CDC42BPB: variants seen among roughly 807,000 people sequenced by gnomAD.
CDC42BPB encodes CDC42 binding protein kinase beta.
In CDC42BPB, 37 loss-of-function variants were observed where a neutral mutation model predicts 214.9. The observed-to-expected ratio is 0.17, with a 90% CI of 0.13 to 0.23. CDC42BPB has a LOEUF of 0.23. CDC42BPB is among the 10% of genes least tolerant of loss of function. The pLI, the probability that CDC42BPB is intolerant of heterozygous loss-of-function variation, is 1.00. For missense variants in CDC42BPB, 1,694 were observed against 2,227.0 expected, an observed-to-expected ratio of 0.76 and a Z score of 4.82; for synonymous variants, 931 against 884.0, an observed-to-expected ratio of 1.05 and a Z score of -0.94.
At chr14:103,041,510 A>AG (rs1314986554) in intron 1 of CDC42BPB, 1 of 1,394,064 alleles carries the variant, frequency 7.2e-7, no homozygotes, top group African/African-American at 1.4e-5. Context: ...CACTTCCACA[A>AG]GGACTGGCAG....
chr14:103,044,723 C>T (rs952839663), intron 1 of CDC42BPB, among the ~76,000 whole-genome samples: 2 of 150,734 alleles, frequency 1.3e-5, no homozygotes, highest in African/African-American at 4.9e-5. Flanking sequence ...GTTGCTGAAG[C>T]TGGTCTTGAA....
chr14:103,043,213 C>A (rs1245597436), intron 1 of CDC42BPB, among the ~76,000 whole-genome samples: 1 of 152,146 alleles, frequency 6.6e-6, no homozygotes, highest in African/African-American at 2.4e-5. Context: ...CACTGCACTC[C>A]AGCTTGAGAG....
At chr14:103,052,270 A>T (rs1306561248) in intron 1 of CDC42BPB, among the ~76,000 whole-genome samples, 1 of 152,254 alleles carries the variant, frequency 6.6e-6, no homozygotes, top group Non-Finnish European at 1.5e-5. Context: ...ACTAATTTTT[A>T]TCATGCAATC....
chr14:102,985,270 T>C (rs368964537), intron 6 of CDC42BPB, among the ~76,000 whole-genome samples: 8 of 134,626 alleles, frequency 5.9e-5, no homozygotes, highest in South Asian at 2.6e-4. Context: ...GTAACCCATG[T>C]TCTGGTTATA....
At chr14:102,967,220 A>C (rs1210645390) in intron 16 of CDC42BPB, 50 bp from the exon 17 acceptor site, 3 of 1,580,312 alleles carry the variant, frequency 1.9e-6, no homozygotes, top group Non-Finnish European at 2.6e-6. Context: ...GCATCCTTTA[A>C]GTATGCTGGA....
intron 1 of CDC42BPB, among the ~76,000 whole-genome samples, chr14:103,051,154 C>CGGGGGGGGGGGGG (rs1179516926): frequency 1.2e-3 from 8 of 6,824 alleles, no homozygotes; most frequent in African/African-American, 2.8e-3. Flanking sequence ...GTATTTGGGG[C>CGGGGGGGGGGGGG]GGGGGGGCGG....
In CDC42BPB at chr14:102,972,141, C is replaced by T. The variant is rs762367171; in HGVS notation, c.1662G>A (p.Glu554=). The T allele has an allele frequency of 1.4e-5, 22 of 1,614,066 alleles. No individual in the cohort carries two copies. Among genetic ancestry groups the T allele is most frequent in the Non-Finnish European group, 1.9e-5 (22 of 1,179,992 alleles). ...ELHKQLVEAS[E]RLKSQAKELK... Reference sequence around the variant, plus strand: ...GTTCCTTGGCCTGGGATTTCAACCGCTCTGAGGCTTCAACCAGTTGCTGAA... The same window carrying T: ...GTTCCTTGGCCTGGGATTTCAACCGTTCTGAGGCTTCAACCAGTTGCTGAA... Residue 554 remains glutamate (E), a synonymous_variant, in exon 13 of 37, where the codon GAG becomes GAA. Coordinates refer to ENST00000361246, the MANE Select transcript of CDC42BPB (RefSeq NM_006035.4).
chr14:103,042,828 C>A (rs1888082545), intron 1 of CDC42BPB, among the ~76,000 whole-genome samples: 1 of 152,168 alleles, frequency 6.6e-6, no homozygotes, highest in Admixed American at 6.6e-5. Flanking sequence ...TTGTGGGCTG[C>A]TGGTGGGAAT....
intron 1 of CDC42BPB, among the ~76,000 whole-genome samples, chr14:103,047,576 C>T (rs547820678): frequency 3.3e-5 from 5 of 152,214 alleles, no homozygotes; most frequent in South Asian, 2.1e-4. Context: ...GAATTCTGTA[C>T]GCAGGCAAAG....
chr14:102,951,209 C>A (rs1566851484), intron 24 of CDC42BPB, among the ~76,000 whole-genome samples: 1 of 152,160 alleles, frequency 6.6e-6, no homozygotes, highest in Non-Finnish European at 1.5e-5. Flanking sequence ...CAATTCAGGC[C>A]AGCGGTCATG....
In CDC42BPB at chr14:102,974,147, A is replaced by T; in HGVS notation, c.1510T>A (p.Ser504Thr). 1 of 1,613,168 alleles carries T rather than the reference A, an allele frequency of 6.2e-7. No individual in the cohort carries two copies. The highest frequency in any genetic ancestry group is 8.5e-7 in the Non-Finnish European group (1 of 1,179,694). ...TCAAGCTGTCGCTCGAGCCTGTTTGAATCTGGACAAAAGAGGAAATAAACT... is the reference window on the plus strand; with the variant it reads ...TCAAGCTGTCGCTCGAGCCTGTTTGTATCTGGACAAAAGAGGAAATAAACT... ...IERLKNKIAD[S>T]NRLERQLEDT... Residue 504 changes from serine to threonine, a missense_variant and splice_region_variant, in exon 12 of 37, where the codon TCA becomes ACA. Transcript: ENST00000361246.
intron 1 of CDC42BPB, among the ~76,000 whole-genome samples, chr14:103,054,888 G>T (rs563535424): frequency 6.6e-6 from 1 of 152,364 alleles, no homozygotes; most frequent in Admixed American, 6.5e-5. Context: ...GCTGACAAGA[G>T]CTTCCTCCAG....
intron 5 of CDC42BPB, among the ~76,000 whole-genome samples, chr14:102,988,056 T>G (rs573296335): frequency 2.0e-5 from 3 of 151,790 alleles, no homozygotes; most frequent in Admixed American, 2.0e-4. Flanking sequence ...CTGATTTAAC[T>G]CAGGGAAGAA....
intron 1 of CDC42BPB, among the ~76,000 whole-genome samples, chr14:103,048,466 A>G (rs1888416080): frequency 6.9e-6 from 1 of 145,072 alleles, no homozygotes; most frequent in Non-Finnish European, 1.5e-5. Flanking sequence ...AGGCAGGTGG[A>G]TCACGAGGTC....
Position 102,943,061 on chromosome 14 carries a change from T to C in CDC42BPB, c.4408+830A>G, listed in dbSNP as rs762449729. ...TTTTTTTTTGTATTTTTAGTAGAGATGGGGTTTCACCCTATTAGCCAGGAT... is the reference window on the plus strand; with the variant it reads ...TTTTTTTTTGTATTTTTAGTAGAGACGGGGTTTCACCCTATTAGCCAGGAT... On this transcript the variant is annotated intron_variant, in intron 30 of 36. Coordinates refer to ENST00000361246, the MANE Select transcript of CDC42BPB (RefSeq NM_006035.4). The surrounding 1 kb of genome is among the most constrained non-coding windows in gnomAD (Gnocchi z 4.6). 3.2e-4 allele frequency among the ~76,000 whole-genome samples: 48 copies of C among 152,120 alleles called. No individual in the cohort carries two copies. The highest frequency in any genetic ancestry group is 5.9e-4 in the Non-Finnish European group (40 of 68,006).
chr14:102,951,325 C>G (rs34710550), intron 24 of CDC42BPB, among the ~76,000 whole-genome samples: 1 of 152,330 alleles, frequency 6.6e-6, no homozygotes, highest in African/African-American at 2.4e-5. Flanking sequence ...TTCACAGACC[C>G]ATGGTCAGGA....
At chr14:103,047,161 G>A (rs1400783791) in intron 1 of CDC42BPB, among the ~76,000 whole-genome samples, 2 of 150,802 alleles carry the variant, frequency 1.3e-5, no homozygotes, top group Non-Finnish European at 2.9e-5. Flanking sequence ...GTGGACGCCT[G>A]TAATCCCAGC....
intron 4 of CDC42BPB, among the ~76,000 whole-genome samples, chr14:103,002,366 C>A (rs1895028215): frequency 6.6e-6 from 1 of 152,224 alleles, no homozygotes; most frequent in African/African-American, 2.4e-5. Context: ...AACATGGAAT[C>A]TTCACAGGGG....
chr14:102,991,242 C>G (rs12890199), intron 5 of CDC42BPB, among the ~76,000 whole-genome samples: 4 of 152,180 alleles, frequency 2.6e-5, no homozygotes. Flanking sequence ...CACAATATAG[C>G]TATACACACA....
Sources: gnomAD v4.1 joint callset for allele counts (sites outside exome capture counted in the v4.1 genomes callset) on GRCh38, gnomAD v4.1.1 for gene constraint, Gnocchi (gnomAD v3.1) non-coding constraint, MANE v1.5 for transcripts, NCBI Gene and HGNC (gene_info 2026-07-23, HGNC 2026-07-21) for gene names.